The following GLRA3 variants were observed in gnomAD, a reference collection of about 807,000 sequenced individuals.
GLRA3 encodes glycine receptor alpha 3, also known as glycine receptor subunit alpha-3.
GLRA3 carries 44 observed loss-of-function variants against 60.4 expected under a neutral mutation model. That is an observed-to-expected ratio of 0.73 (90% CI 0.57 to 0.94). The LOEUF is 0.94. GLRA3 is among the 40% of genes least tolerant of loss of function. The probability of loss-of-function intolerance (pLI) is 0.00; values close to 1 mark genes in which losing one functional copy is unlikely to be tolerated. For missense variants in GLRA3, 508 were observed against 564.6 expected (o/e 0.90, Z 1.02); for synonymous variants, 223 against 192.9 (o/e 1.16, Z -1.29).
chr4:174,806,362 TAA>T (rs940266791), intron 1 of GLRA3, among the ~76,000 whole-genome samples: 4 of 152,132 alleles, frequency 2.6e-5, no homozygotes, highest in African/African-American at 9.7e-5. Flanking sequence ...GAATGTTCTA[TAA>T]GACATTGCAG....
intron 1 of GLRA3, among the ~76,000 whole-genome samples, chr4:174,808,475 A>C (rs906459031): frequency 5.9e-5 from 9 of 152,192 alleles, no homozygotes; most frequent in African/African-American, 2.2e-4. Context: ...ACAGTACATA[A>C]TACTTGGATA....
intron 3 of GLRA3, among the ~76,000 whole-genome samples, chr4:174,754,592 G>T (rs956379472): frequency 2.6e-5 from 4 of 152,076 alleles, no homozygotes; most frequent in Non-Finnish European, 4.4e-5. Context: ...GCCACTGAAT[G>T]CTATTATGGT....
At chr4:174,667,105 C>T (rs899414393) in intron 7 of GLRA3, among the ~76,000 whole-genome samples, 1 of 152,014 alleles carries the variant, frequency 6.6e-6, no homozygotes, top group African/African-American at 2.4e-5. Flanking sequence ...AGAGGAAAAC[C>T]AAGTCGCTGG....
Position 174,661,918 on chromosome 4 carries a change from T to C in GLRA3, c.928-2721A>G, listed in dbSNP as rs369625154. On this transcript the variant is annotated intron_variant, in intron 7 of 9. Transcript: ENST00000274093. ...AAAAAGAAAAGCTACGTCCGTATTT[T>C]CTAGAAATAGACTTATACAGACCTA... Among the ~76,000 whole-genome samples, 26 of 152,350 alleles carry C rather than the reference T, an allele frequency of 1.7e-4. No homozygotes were observed. In the East Asian group the frequency reaches 3.7e-3, roughly 21 times the overall value.
intron 1 of GLRA3, among the ~76,000 whole-genome samples, chr4:174,798,733 G>A (rs1205329944): frequency 6.6e-6 from 1 of 152,144 alleles, no homozygotes; most frequent in African/African-American, 2.4e-5. Context: ...GACCATCCTG[G>A]CTAACACGGT....
chr4:174,775,878 C>T (rs1457870496), intron 2 of GLRA3, among the ~76,000 whole-genome samples: 1 of 109,060 alleles, frequency 9.2e-6, no homozygotes, highest in African/African-American at 3.3e-5. Context: ...TGTATCATAC[C>T]AAAAATAATG....
intron 5 of GLRA3, among the ~76,000 whole-genome samples, chr4:174,684,696 A>C (rs1734486998): frequency 6.6e-6 from 1 of 152,182 alleles, no homozygotes; most frequent in South Asian, 2.1e-4. Context: ...TGGCCTCTGA[A>C]CCAAGTCAAA....
At chr4:174,758,233 G>C (rs143454085) in intron 3 of GLRA3, among the ~76,000 whole-genome samples, 1 of 152,046 alleles carries the variant, frequency 6.6e-6, no homozygotes, top group Non-Finnish European at 1.5e-5. Flanking sequence ...CACAGTGAAG[G>C]TTAAAAAAAG....
chr4:174,716,034 T>C (rs989326207), intron 4 of GLRA3, among the ~76,000 whole-genome samples: 45 of 152,170 alleles, frequency 3.0e-4, no homozygotes, highest in African/African-American at 9.2e-4. Flanking sequence ...GCAAATCACA[T>C]GCTATATTCC....
chr4:174,644,405 A>ATT (rs35207319), intron 9 of GLRA3, among the ~76,000 whole-genome samples: 2,148 of 143,962 alleles, frequency 0.015, 50 homozygotes, highest in African/African-American at 0.047. Flanking sequence ...CATAAACTAG[A>ATT]TTTTTTTTTT....
chr4:174,661,339 T>G (rs1400848688), intron 7 of GLRA3, among the ~76,000 whole-genome samples: 1 of 152,142 alleles, frequency 6.6e-6, no homozygotes, highest in East Asian at 1.9e-4. Flanking sequence ...ATGCAAAATT[T>G]TTCTCTAAAA....
At chr4:174,733,705 A>C (rs1561084670) in intron 3 of GLRA3, among the ~76,000 whole-genome samples, 1 of 152,190 alleles carries the variant, frequency 6.6e-6, no homozygotes, top group Non-Finnish European at 1.5e-5. Context: ...ACCTCAATAA[A>C]GGCTGTGGCT....
Position 174,642,469 on chromosome 4 carries a change from C to T in GLRA3, c.*1317G>A. 1.0e-6 allele frequency: 1 copy of T among 977,320 alleles called. No individual in the cohort carries two copies. The highest frequency in any genetic ancestry group is 1.2e-6 in the Non-Finnish European group (1 of 822,698). The allele number at this position is 977,320 out of a possible 1,614,324, so 60.5% of individuals were successfully genotyped here. A position where few individuals can be genotyped will look rare whatever the true frequency, so the allele number is the denominator to read the frequency against. On this transcript the variant is annotated 3_prime_UTR_variant, in exon 10 of 10. Transcript: ENST00000274093. ...AAAAATAGTTAAAAAAATAGCAAAA[C>T]TGAAAAAGAGTCAGAGTCTGGTTCT...
At chr4:174,796,182 T>C (rs550615083) in intron 1 of GLRA3, among the ~76,000 whole-genome samples, 1 of 152,194 alleles carries the variant, frequency 6.6e-6, no homozygotes, top group Admixed American at 6.5e-5. Context: ...GAGATTTTCC[T>C]TGCCCCTTCC....
chr4:174,717,296 A>G (rs922851986), intron 4 of GLRA3, among the ~76,000 whole-genome samples: 4 of 150,804 alleles, frequency 2.7e-5, no homozygotes, highest in Non-Finnish European at 4.4e-5. Flanking sequence ...GAGAGAAAGA[A>G]AGAAAAAGAA....
intron 1 of GLRA3, among the ~76,000 whole-genome samples, chr4:174,820,019 C>T (rs568073925): frequency 2.6e-5 from 4 of 152,058 alleles, no homozygotes; most frequent in African/African-American, 7.2e-5. Flanking sequence ...TGGTATGAAG[C>T]GTTATTTTAG....
chr4:174,768,280 A>T (rs575382671), intron 2 of GLRA3, among the ~76,000 whole-genome samples: 1 of 152,226 alleles, frequency 6.6e-6, no homozygotes, highest in East Asian at 1.9e-4. Context: ...ACAGAAATTC[A>T]TCAGTTTTTC....
chr4:174,641,322 C>T lies in GLRA3; in HGVS notation c.*2464G>A, dbSNP rs1579374332. On this transcript the variant is annotated 3_prime_UTR_variant, in exon 10 of 10. Coordinates refer to ENST00000274093, the MANE Select transcript of GLRA3 (RefSeq NM_006529.4). ...TAAAATATTCTGGTTGGACACAGGG[C>T]TTATTGAGGCAAATATTATCTCAGG... 2 of 151,966 alleles carry T rather than the reference C, an allele frequency of 1.3e-5. No individual in the cohort carries two copies. Among genetic ancestry groups the T allele is most frequent in the African/African-American group, 2.4e-5 (1 of 41,396 alleles). The allele number at this position is 151,966 out of a possible 1,614,324, so 9.4% of individuals were successfully genotyped here.
At chr4:174,651,069 A>T (rs2110862085) in intron 9 of GLRA3, among the ~76,000 whole-genome samples, 1 of 152,292 alleles carries the variant, frequency 6.6e-6, no homozygotes, top group South Asian at 2.1e-4. Flanking sequence ...GTTGTAACAA[A>T]AGCCATAGCT....
Sources: allele counts gnomAD v4.1 joint callset (sites outside exome capture counted in the v4.1 genomes callset), GRCh38; gene constraint gnomAD v4.1.1; transcripts MANE v1.5; gene names NCBI Gene and HGNC (gene_info 2026-07-23, HGNC 2026-07-21).